Variants in PSD3 observed in about 807,000 individuals in gnomAD.
The protein encoded by PSD3 is PH and SEC7 domain-containing protein 3.
Under a neutral mutation model 105.5 loss-of-function variants are expected in PSD3, and 49 were observed. That is an observed-to-expected ratio of 0.46 (90% CI 0.37 to 0.59). PSD3 has a LOEUF of 0.59. PSD3 is among the 20% of genes least tolerant of loss of function. The probability of loss-of-function intolerance (pLI) is 0.00; values close to 1 mark genes in which losing one functional copy is unlikely to be tolerated. For synonymous variants in PSD3, 557 were observed against 457.8 expected, an observed-to-expected ratio of 1.22 and a Z score of -2.77; for missense variants, 1,561 against 1,263.8, an observed-to-expected ratio of 1.24 and a Z score of -3.57.
intron 15 of PSD3, among the ~76,000 whole-genome samples, chr8:18,541,796 G>C (rs1461603998): frequency 1.3e-5 from 2 of 151,376 alleles, no homozygotes; most frequent in Non-Finnish European, 2.9e-5. Flanking sequence ...TGTCACCCAG[G>C]CTGGAGTGCA....
intron 8 of PSD3, among the ~76,000 whole-genome samples, chr8:18,766,536 CAT>C (rs1277154309): frequency 6.6e-6 from 1 of 152,070 alleles, no homozygotes; most frequent in African/African-American, 2.4e-5. Context: ...TAATGAAAAA[CAT>C]GGGTAAAAAC....
intron 15 of PSD3, among the ~76,000 whole-genome samples, chr8:18,553,582 G>A (rs748914835): frequency 6.6e-5 from 10 of 152,120 alleles, no homozygotes; most frequent in Non-Finnish European, 1.3e-4. Flanking sequence ...GCTATGAAGC[G>A]GCCTGCTCAG....
At chr8:18,906,848 T>C (rs193216593) in intron 2 of PSD3, among the ~76,000 whole-genome samples, 1 of 152,274 alleles carries the variant, frequency 6.6e-6, no homozygotes, top group Non-Finnish European at 1.5e-5. Context: ...ACACGTAAGA[T>C]TACAATGGAG....
At chr8:18,996,485 T>A (rs1826085595) in intron 1 of PSD3, among the ~76,000 whole-genome samples, 1 of 151,986 alleles carries the variant, frequency 6.6e-6, no homozygotes, top group Non-Finnish European at 1.5e-5. Flanking sequence ...AGATAAGGAC[T>A]TTATGTTGAA....
At chr8:18,608,375 A>G (rs1359876411) in intron 11 of PSD3, among the ~76,000 whole-genome samples, 1 of 152,244 alleles carries the variant, frequency 6.6e-6, no homozygotes, top group African/African-American at 2.4e-5. Context: ...CTTCCTGACC[A>G]GTATGGGTGA....
At chr8:18,852,694 C>T (rs778362812) in intron 4 of PSD3, among the ~76,000 whole-genome samples, 3 of 152,174 alleles carry the variant, frequency 2.0e-5, no homozygotes, top group Non-Finnish European at 2.9e-5. Context: ...TACCCTGGAA[C>T]CTGGCCACAA....
At chr8:18,799,813 A>G (rs1563283416) in intron 7 of PSD3, among the ~76,000 whole-genome samples, 1 of 152,196 alleles carries the variant, frequency 6.6e-6, no homozygotes, top group Non-Finnish European at 1.5e-5. Context: ...TCTCCTTTCC[A>G]AACACTACAA....
chr8:18,663,453 A>C (rs1444919958), intron 9 of PSD3, among the ~76,000 whole-genome samples: 1 of 151,808 alleles, frequency 6.6e-6, no homozygotes, highest in African/African-American at 2.4e-5. Flanking sequence ...AAAAAAAAAA[A>C]CCGAATAAAA....
intron 11 of PSD3, among the ~76,000 whole-genome samples, chr8:18,609,846 A>C (rs1158666169): frequency 6.6e-6 from 1 of 152,244 alleles, no homozygotes; most frequent in Non-Finnish European, 1.5e-5. Flanking sequence ...ATTCTATTAC[A>C]TCTTAATTAA....
At chr8:18,923,273 T>C (rs1473540280) in intron 2 of PSD3, among the ~76,000 whole-genome samples, 1 of 152,212 alleles carries the variant, frequency 6.6e-6, no homozygotes, top group Non-Finnish European at 1.5e-5. Flanking sequence ...GGGCTGCATG[T>C]GGCCCATGGG....
intron 9 of PSD3, among the ~76,000 whole-genome samples, chr8:18,676,414 C>A (rs1264913868): frequency 1.3e-5 from 2 of 152,192 alleles, no homozygotes; most frequent in Non-Finnish European, 2.9e-5. Flanking sequence ...AAAACCCACA[C>A]CTCTACCACC....
intron 1 of PSD3, among the ~76,000 whole-genome samples, chr8:18,993,599 C>T (rs535847777): frequency 2.6e-5 from 4 of 152,144 alleles, no homozygotes; most frequent in Admixed American, 1.3e-4. Flanking sequence ...AATACTATTT[C>T]ATGAGTATTA....
chr8:18,871,607 G>A lies in PSD3; in HGVS notation c.1238+19C>T, dbSNP rs1209718956. ...ATGTACCAGGCATCTGAGACAGCAG[G>A]GCTACTATGGGAGCTCACCTTTCCC... is the stretch of plus-strand genomic sequence containing the variant. On this transcript the variant is annotated intron_variant, in intron 3 of 15. Transcript: ENST00000327040. 1.9e-6 allele frequency: 3 copies of A among 1,571,882 alleles called. No homozygotes were observed. The African/African-American group carries it at 4.1e-5, about 21-fold the overall frequency.
intron 4 of PSD3, among the ~76,000 whole-genome samples, chr8:18,857,348 G>A (rs1377994963): frequency 6.6e-6 from 1 of 152,184 alleles, no homozygotes; most frequent in Non-Finnish European, 1.5e-5. Context: ...TTTTGCTCGA[G>A]CAGGTCCAGG....
chr8:19,051,998 G>A (rs1044163462), intron 1 of PSD3, among the ~76,000 whole-genome samples: 2 of 152,192 alleles, frequency 1.3e-5, no homozygotes, highest in African/African-American at 2.4e-5. Context: ...AGATCAAAGT[G>A]ATGGAGAATG....
intron 10 of PSD3, among the ~76,000 whole-genome samples, chr8:18,644,737 G>C (rs1254062153): frequency 6.6e-6 from 1 of 151,888 alleles, no homozygotes; most frequent in Non-Finnish European, 1.5e-5. Context: ...CAATTCCAAG[G>C]CCCCTTCCAC....
At chr8:18,618,678 G>T (rs1805882481) in intron 11 of PSD3, among the ~76,000 whole-genome samples, 1 of 149,582 alleles carries the variant, frequency 6.7e-6, no homozygotes, top group African/African-American at 2.5e-5. Flanking sequence ...TAAGGTTTTT[G>T]CATTTTTTTT....
intron 12 of PSD3, among the ~76,000 whole-genome samples, chr8:18,588,167 G>A (rs577794304): frequency 6.6e-6 from 1 of 152,180 alleles, no homozygotes; most frequent in Non-Finnish European, 1.5e-5. Context: ...CTAAGAGGGA[G>A]TGGCATTTCC....
intron 9 of PSD3, among the ~76,000 whole-genome samples, chr8:18,706,339 C>T (rs565616662): frequency 3.9e-5 from 6 of 152,224 alleles, no homozygotes; most frequent in Non-Finnish European, 5.9e-5. Context: ...AATTTTTTCT[C>T]GTTTTGCTTA....
Sources: gnomAD v4.1 joint callset for allele counts (sites outside exome capture counted in the v4.1 genomes callset) on GRCh38, gnomAD v4.1.1 for gene constraint, MANE v1.5 for transcripts, NCBI Gene and HGNC (gene_info 2026-07-23, HGNC 2026-07-21) for gene names.